Variants in ITGA8 observed in about 807,000 individuals in gnomAD.
ITGA8 encodes integrin subunit alpha 8.
Under a neutral mutation model 142.3 loss-of-function variants are expected in ITGA8, and 91 were observed. The ratio of observed to expected loss-of-function variants is 0.64; its 90% CI spans 0.54 to 0.76. The LOEUF (loss-of-function observed/expected upper bound fraction) is 0.76. Ranked by LOEUF, ITGA8 falls within the 30% of genes least tolerant of loss-of-function variation. The probability of loss-of-function intolerance (pLI) is 0.00; values close to 1 mark genes in which losing one functional copy is unlikely to be tolerated. For missense variants in ITGA8, 1,406 were observed against 1,327.7 expected, an observed-to-expected ratio of 1.06 and a Z score of -0.92; for synonymous variants, 505 against 485.2, an observed-to-expected ratio of 1.04 and a Z score of -0.54.
intron 8 of ITGA8, among the ~76,000 whole-genome samples, chr10:15,668,679 A>C (rs1319289703): frequency 6.6e-6 from 1 of 152,008 alleles, no homozygotes. Flanking sequence ...TTCCATGTTT[A>C]GTGCTTCCTT....
At chr10:15,628,721 G>C (rs887389407) in intron 13 of ITGA8, among the ~76,000 whole-genome samples, 3 of 151,780 alleles carry the variant, frequency 2.0e-5, no homozygotes, top group African/African-American at 7.3e-5. Flanking sequence ...CCTCCGTTTG[G>C]CCAGTGGTGT....
intron 13 of ITGA8, among the ~76,000 whole-genome samples, chr10:15,637,664 A>G (rs1458974858): frequency 1.3e-5 from 2 of 152,120 alleles, no homozygotes; most frequent in Non-Finnish European, 2.9e-5. Context: ...GGCATACTGC[A>G]GCATGCCTGG....
intron 6 of ITGA8, 106 bp downstream of exon 6, chr10:15,677,486 G>A: frequency 1.2e-6 from 1 of 834,596 alleles, no homozygotes; most frequent in South Asian, 1.8e-5. Context: ...TATGAATAAG[G>A]ATATAAAATT....
intron 25 of ITGA8, among the ~76,000 whole-genome samples, chr10:15,567,725 C>T (rs1348484768): frequency 6.6e-6 from 1 of 152,254 alleles, no homozygotes; most frequent in Non-Finnish European, 1.5e-5. Flanking sequence ...AGGCTGACCT[C>T]AGTTGGGCCC....
At chr10:15,596,034 A>T (rs556783300) in intron 21 of ITGA8, among the ~76,000 whole-genome samples, 1 of 152,230 alleles carries the variant, frequency 6.6e-6, no homozygotes, top group African/African-American at 2.4e-5. Context: ...CTGGGCAACA[A>T]GCGTGAAACT....
rs570257352 is a variant in ITGA8, at chr10:15,572,386, T to A, written c.2479-17A>T. The A allele has an allele frequency of 6.2e-7, 1 of 1,612,056 alleles. No homozygotes were observed. Among genetic ancestry groups the A allele is most frequent in the Non-Finnish European group, 8.5e-7 (1 of 1,178,742 alleles). ...ATTGTGCAGCTGTAAACAAGTGACA[T>A]GTTATCTAATGACCCAGCAGAAGGC... On this transcript the variant is annotated splice_polypyrimidine_tract_variant and intron_variant, in intron 24 of 29. Transcript: ENST00000378076.
At chr10:15,683,724 C>G (rs9333092) in intron 4 of ITGA8, among the ~76,000 whole-genome samples, 1 of 152,152 alleles carries the variant, frequency 6.6e-6, no homozygotes, top group African/African-American at 2.4e-5. Flanking sequence ...TTTTGAACAG[C>G]AACTGACACC....
chr10:15,517,612 C>T (rs1486044591), intron 29 of ITGA8, among the ~76,000 whole-genome samples: 1 of 152,250 alleles, frequency 6.6e-6, no homozygotes, highest in African/African-American at 2.4e-5. Context: ...GCGTGAGCCA[C>T]CACACCTGGC....
chr10:15,615,234 C>G, intron 14 of ITGA8, among the ~76,000 whole-genome samples: 1 of 152,294 alleles, frequency 6.6e-6, no homozygotes, highest in East Asian at 1.9e-4. Context: ...CCACAGCCAC[C>G]GCAAACGCAA....
At chr10:15,668,882 G>A (rs1404781583) in intron 8 of ITGA8, among the ~76,000 whole-genome samples, 6 of 152,232 alleles carry the variant, frequency 3.9e-5, no homozygotes, top group African/African-American at 1.2e-4. Context: ...TTTCTGCTGA[G>A]AGATTAGCTG....
intron 11 of ITGA8, 138 bp from the exon 12 acceptor site, chr10:15,647,189 T>C (rs1833998176): frequency 1.6e-6 from 1 of 640,944 alleles, no homozygotes; most frequent in Non-Finnish European, 2.7e-6. Flanking sequence ...ATCAGATTGC[T>C]TTCGCTGCTT....
intron 20 of ITGA8, among the ~76,000 whole-genome samples, chr10:15,601,217 C>A (rs554179680): frequency 3.9e-4 from 59 of 151,578 alleles, no homozygotes; most frequent in Non-Finnish European, 7.4e-4. Flanking sequence ...CCAGCCTGGG[C>A]AACAGAGCAA....
chr10:15,618,694 C>A (rs1454817559), intron 13 of ITGA8, among the ~76,000 whole-genome samples: 1 of 152,196 alleles, frequency 6.6e-6, no homozygotes, highest in Non-Finnish European at 1.5e-5. Flanking sequence ...TAGATTGGTT[C>A]AGTCTTTTGG....
chr10:15,572,592 T>G (rs757956861), intron 24 of ITGA8, among the ~76,000 whole-genome samples: 4 of 152,234 alleles, frequency 2.6e-5, no homozygotes, highest in Non-Finnish European at 5.9e-5. Flanking sequence ...TGTGAAGCTC[T>G]AAGAGTGGAT....
chr10:15,556,171 C>T (rs1026907420), intron 26 of ITGA8, among the ~76,000 whole-genome samples: 2 of 151,688 alleles, frequency 1.3e-5, no homozygotes, highest in South Asian at 4.2e-4. Flanking sequence ...GGATTACAGG[C>T]GCCTGCCACC....
At chr10:15,590,428 G>A (rs1832904720) in intron 22 of ITGA8, among the ~76,000 whole-genome samples, 1 of 152,180 alleles carries the variant, frequency 6.6e-6, no homozygotes, top group Non-Finnish European at 1.5e-5. Context: ...CCAAGAGCGA[G>A]GAGGAAATAT....
chr10:15,594,201 A>G (rs1404050801), intron 21 of ITGA8, among the ~76,000 whole-genome samples: 2 of 151,946 alleles, frequency 1.3e-5, no homozygotes, highest in South Asian at 2.1e-4. Flanking sequence ...TCTCCTTTTT[A>G]GAAGCCTTTT....
chr10:15,586,489 T>C, intron 23 of ITGA8, 95 bp downstream of exon 23: 1 of 703,288 alleles, frequency 1.4e-6, no homozygotes, highest in Non-Finnish European at 2.5e-6. Context: ...CTGTGATCTC[T>C]AATGCATCAG....
intron 11 of ITGA8, among the ~76,000 whole-genome samples, chr10:15,651,662 A>G (rs1026849243): frequency 1.3e-5 from 2 of 151,996 alleles, no homozygotes; most frequent in South Asian, 2.1e-4. Context: ...GTACTTAACT[A>G]TCTCCAGCTT....
Sources: allele counts gnomAD v4.1 joint callset (sites outside exome capture counted in the v4.1 genomes callset), GRCh38; gene constraint gnomAD v4.1.1; transcripts MANE v1.5; gene names NCBI Gene and HGNC (gene_info 2026-07-23, HGNC 2026-07-21).